The following SUN3 variants were observed in gnomAD, a reference collection of about 807,000 sequenced individuals.
SUN3 encodes the protein SUN domain-containing protein 3.
A neutral mutation model predicts 48.2 loss-of-function variants in SUN3; 36 were observed. That is an observed-to-expected ratio of 0.75 (90% confidence interval 0.57 to 0.99). SUN3 has a LOEUF of 0.99. SUN3 is among the 50% of genes least tolerant of loss of function. The probability of loss-of-function intolerance (pLI) is 0.00; values close to 1 mark genes in which losing one functional copy is unlikely to be tolerated. For synonymous variants in SUN3, 148 were observed against 147.9 expected (o/e 1.00, Z 0.00); for missense variants, 419 against 433.1 (o/e 0.97, Z 0.29).
intron 8 of SUN3, among the ~76,000 whole-genome samples, chr7:47,992,039 G>A (rs1369518580): frequency 1.3e-5 from 2 of 152,086 alleles, no homozygotes; most frequent in Non-Finnish European, 2.9e-5. Context: ...GGTGTGGTGG[G>A]CCAGGCTGGC....
rs750678113 is a variant in SUN3, at chr7:47,996,022, T to C, written c.693+9A>G. 8 of 1,426,018 alleles carry C rather than the reference T, an allele frequency of 5.6e-6. No homozygotes were observed. The highest frequency in any genetic ancestry group is 7.6e-6 in the Non-Finnish European group (8 of 1,051,126). 88.3% of individuals were successfully genotyped at this position (1,426,018 alleles called of 1,614,324 possible). A position where few individuals can be genotyped will look rare whatever the true frequency, so the allele number is the denominator to read the frequency against. ...AAATAGAAATAAGTGATTCTTAATT[T>C]AGCTTTACCTGAAGAATAATATCTG... On this transcript the variant is annotated intron_variant, in intron 7 of 9. Transcript: ENST00000297325.
At chr7:47,996,376 T>TA (rs142166670) in intron 6 of SUN3, among the ~76,000 whole-genome samples, 3,710 of 152,226 alleles carry the variant, frequency 0.024, 146 homozygotes, top group African/African-American at 0.085. Context: ...AATGTATGAT[T>TA]AAAAAAATTG....
chr7:47,998,994 C>A (rs545320186), intron 6 of SUN3, among the ~76,000 whole-genome samples: 19 of 152,258 alleles, frequency 1.2e-4, no homozygotes, highest in African/African-American at 4.6e-4. Flanking sequence ...CTTCACCATT[C>A]CACATACATT....
At chr7:48,001,758 G>C (rs185242369) in intron 6 of SUN3, among the ~76,000 whole-genome samples, 1 of 151,892 alleles carries the variant, frequency 6.6e-6, no homozygotes, top group Non-Finnish European at 1.5e-5. Flanking sequence ...GGATGGTCTC[G>C]ATCTCCTGAC....
chr7:47,987,466 G>C lies in SUN3; in HGVS notation c.955-17C>G, dbSNP rs200287085. The C allele has an allele frequency of 3.4e-4, 524 of 1,531,382 alleles. 3 individuals carry two copies. In the African/African-American group the frequency reaches 6.8e-3, roughly 20 times the overall value. The allele number at this position is 1,531,382 out of a possible 1,614,324, so 94.9% of individuals were successfully genotyped here. ...AACTGCATGCTGAAAATAAAGAAAA[G>C]AAAATCAATGCCTTATAACGAAATT... is the stretch of plus-strand genomic sequence containing the variant. On this transcript the variant is annotated splice_polypyrimidine_tract_variant and intron_variant, in intron 9 of 9. Coordinates refer to ENST00000297325, the MANE Select transcript of SUN3 (RefSeq NM_001030019.2).
the SUN3 span, chr7:48,035,469 G>A: frequency 9.8e-5 from 68 of 694,702 alleles, no homozygotes; most frequent in Non-Finnish European, 1.5e-4. This position sits in a 1 kb window ranked among gnomAD's most constrained non-coding sequence, Gnocchi z 4.0. Context: ...TGCTCCAGCC[G>A]CGCCCGCCGG....
At chr7:48,026,395 C>T (rs1204879331) in intron 1 of SUN3, among the ~76,000 whole-genome samples, 3 of 152,122 alleles carry the variant, frequency 2.0e-5, no homozygotes, top group Admixed American at 6.6e-5. Flanking sequence ...TTCTTTAAAG[C>T]CACCATGACC....
chr7:48,003,044 G>C (rs1212150096), intron 6 of SUN3, among the ~76,000 whole-genome samples: 1 of 150,696 alleles, frequency 6.6e-6, no homozygotes, highest in South Asian at 2.1e-4. Flanking sequence ...TTTTTTTGTA[G>C]TTTTGGCTTT....
At chr7:48,016,891 A>C (rs559481428) in intron 3 of SUN3, among the ~76,000 whole-genome samples, 7 of 152,200 alleles carry the variant, frequency 4.6e-5, no homozygotes, top group Non-Finnish European at 1.0e-4. Context: ...ACCATGGCAG[A>C]AGGGTGAAAG....
intron 2 of SUN3, among the ~76,000 whole-genome samples, chr7:48,022,844 G>C (rs1401722127): frequency 6.6e-6 from 1 of 151,990 alleles, no homozygotes; most frequent in Non-Finnish European, 1.5e-5. Flanking sequence ...AGAAACTATA[G>C]AGGCCAGAAG....
At chr7:48,004,005 T>C (rs2128775229) in intron 6 of SUN3, among the ~76,000 whole-genome samples, 1 of 152,358 alleles carries the variant, frequency 6.6e-6, no homozygotes. Context: ...ATTAAGCATA[T>C]ATAGTCAATA....
intron 2 of SUN3, among the ~76,000 whole-genome samples, chr7:48,019,455 G>T (rs1318097833): frequency 6.6e-6 from 1 of 151,074 alleles, no homozygotes; most frequent in Non-Finnish European, 1.5e-5. Context: ...GATCAGAGAA[G>T]AAATAAATAA....
At chr7:47,996,955 C>G (rs1393305771) in intron 6 of SUN3, among the ~76,000 whole-genome samples, 1 of 152,060 alleles carries the variant, frequency 6.6e-6, no homozygotes, top group Non-Finnish European at 1.5e-5. Flanking sequence ...GCGCCCGCCA[C>G]CACGCCGGCT....
chr7:47,998,324 TA>T (rs1789267719), intron 6 of SUN3, among the ~76,000 whole-genome samples: 1 of 152,260 alleles, frequency 6.6e-6, no homozygotes, highest in East Asian at 1.9e-4. Context: ...ATAATTAATG[TA>T]AGGCATTTTT....
chr7:48,009,082 A>G lies in SUN3; in HGVS notation c.289-7T>C. On this transcript the variant is annotated splice_region_variant and splice_polypyrimidine_tract_variant and intron_variant, in intron 3 of 9. Transcript: ENST00000297325. Reference sequence around the variant, plus strand: ...TAGGCATACGAAGTCTGGCCTGAAAACAACAGAAAAAGATAAATCATTCTG... The same window carrying G: ...TAGGCATACGAAGTCTGGCCTGAAAGCAACAGAAAAAGATAAATCATTCTG... The G allele has an allele frequency of 6.2e-7, 1 of 1,610,440 alleles. No homozygotes were observed. Among genetic ancestry groups the G allele is most frequent in the Non-Finnish European group, 8.5e-7 (1 of 1,178,970 alleles).
rs112192395 is a variant in SUN3, at chr7:48,026,581, A to AACACAC, written c.123-649_123-644dup. On this transcript the variant is annotated intron_variant, in intron 1 of 9. Coordinates refer to ENST00000297325, the MANE Select transcript of SUN3 (RefSeq NM_001030019.2). ...TGGACTGAATTGCACCCCACCCCCC[A>AACACAC]ACACACACACACACACACACACACA... Among the ~76,000 whole-genome samples, 671 of 145,726 alleles carry AACACAC rather than the reference A, an allele frequency of 4.6e-3. 8 individuals are homozygous for AACACAC. The highest frequency in any genetic ancestry group is 0.016 in the African/African-American group (639 of 39,396).
At chr7:48,015,348 G>T (rs918613348) in intron 3 of SUN3, among the ~76,000 whole-genome samples, 3 of 152,168 alleles carry the variant, frequency 2.0e-5, no homozygotes, top group Non-Finnish European at 4.4e-5. Context: ...CAGATTCTCA[G>T]CATATGCAGA....
At position 47,988,642 on chromosome 7, in the gene SUN3, C is replaced by T. The variant is rs1788964779; in HGVS notation, c.954+146G>A. ...TGCATTAAAATCCTCGTAAGCACTT[C>T]GAGCTCAGAATTGAAGATCAGATAA... On this transcript the variant is annotated intron_variant, in intron 9 of 9. Transcript: ENST00000297325. The T allele has an allele frequency of 1.8e-5, 8 of 455,054 alleles. No individual in the cohort carries two copies. The East Asian group carries it at 2.0e-4, about 11-fold the overall frequency. 28.2% of individuals were successfully genotyped at this position (455,054 alleles called of 1,614,324 possible).
chr7:48,028,862 C>T lies in SUN3; in HGVS notation c.77G>A (p.Ser26Asn), dbSNP rs763078646. 6.2e-7 allele frequency: 1 copy of T among 1,613,992 alleles called. No homozygotes were observed. Among genetic ancestry groups the T allele is most frequent in the East Asian group, 2.2e-5 (1 of 44,880 alleles). The change falls in exon 1 of 10, where the codon AGT becomes AAT. Residue 26 changes from serine (S) to asparagine (N), a missense_variant. By Grantham distance (46) the Ser-to-Asn change is conservative (BLOSUM62 1). Coordinates refer to ENST00000297325, the MANE Select transcript of SUN3 (RefSeq NM_001030019.2). ...GTCCTCTGATAACAAAGCATTGCCA[C>T]TGGCGCTACCGCTGGCGTCTTCAGA... ...RCSEDASGSA[S>N]GNALLSEDEN...
Sources: gnomAD v4.1 joint callset for allele counts (sites outside exome capture counted in the v4.1 genomes callset) on GRCh38, gnomAD v4.1.1 for gene constraint, Gnocchi (gnomAD v3.1) non-coding constraint, MANE v1.5 for transcripts, NCBI Gene and HGNC (gene_info 2026-07-23, HGNC 2026-07-21) for gene names.